Variants in F2R observed in about 807,000 individuals in gnomAD.
F2R encodes coagulation factor II thrombin receptor, also known as proteinase-activated receptor 1.
A neutral mutation model predicts 18.3 loss-of-function variants in F2R; 12 were observed. The ratio of observed to expected loss-of-function variants is 0.66; its 90% CI spans 0.42 to 1.06. The LOEUF (loss-of-function observed/expected upper bound fraction) is 1.06, where lower values mean the gene tolerates loss of function less well. F2R is among the 50% of genes least tolerant of loss of function. The probability of loss-of-function intolerance (pLI) is 0.00; values close to 1 mark genes in which losing one functional copy is unlikely to be tolerated. For synonymous variants in F2R, 210 were observed against 219.9 expected, an observed-to-expected ratio of 0.95 and a Z score of 0.40; for missense variants, 438 against 530.8, an observed-to-expected ratio of 0.83 and a Z score of 1.72.
chr5:76,719,037 A>G (rs1748395632), intron 1 of F2R, among the ~76,000 whole-genome samples: 1 of 151,978 alleles, frequency 6.6e-6, no homozygotes, highest in South Asian at 2.1e-4. Flanking sequence ...CCCTTCAAGG[A>G]GCTATGCTTT....
chr5:76,722,806 C>T (rs543393972), intron 1 of F2R, among the ~76,000 whole-genome samples: 1 of 152,144 alleles, frequency 6.6e-6, no homozygotes, highest in Non-Finnish European at 1.5e-5. Flanking sequence ...CAAAAATTAG[C>T]CGGGCATGGT....
Position 76,733,367 on chromosome 5 carries a change from A to G in F2R, c.1142A>G (p.Tyr381Cys), listed in dbSNP as rs146829790. 1.7e-3 allele frequency: 2,711 copies of G among 1,614,188 alleles called. 5 individuals are homozygous for G. The highest frequency in any genetic ancestry group is 1.5e-3 in the Non-Finnish European group (1,719 of 1,180,026). ...TACGCTTCCTCTGAGTGCCAGAGGT[A>G]CGTCTACAGTATCTTATGCTGCAAA... ...YYYASSECQR[Y>C]VYSILCCKES... The change falls in exon 2 of 2, where the codon TAC becomes TGC. Residue 381 changes from tyrosine to cysteine, a missense_variant. Coordinates refer to ENST00000319211, the MANE Select transcript of F2R (RefSeq NM_001992.5).
At chr5:76,727,815 T>C (rs1246414295) in intron 1 of F2R, among the ~76,000 whole-genome samples, 1 of 151,296 alleles carries the variant, frequency 6.6e-6, no homozygotes, top group Non-Finnish European at 1.5e-5. Flanking sequence ...AATCCTTATC[T>C]GCTAATTCCA....
rs1355823262 is a variant in F2R, at chr5:76,733,464, T to C, written c.1239T>C (p.Ser413=). The part of the protein sequence containing the change: ...LMASKMDTCS[S]NLNNSIYKKL... Reference sequence around the variant, plus strand: ...CAAGTAAAATGGATACCTGCTCTAGTAACCTGAATAACAGCATATACAAAA... The same window carrying C: ...CAAGTAAAATGGATACCTGCTCTAGCAACCTGAATAACAGCATATACAAAA... Residue 413 remains serine, a synonymous_variant, in exon 2 of 2, where the codon AGT becomes AGC. Coordinates refer to ENST00000319211, the MANE Select transcript of F2R (RefSeq NM_001992.5). 6 of 1,613,790 alleles carry C rather than the reference T, an allele frequency of 3.7e-6. No homozygotes were observed. Among genetic ancestry groups the C allele is most frequent in the African/African-American group, 1.3e-5 (1 of 74,924 alleles).
At chr5:76,729,327 T>G (rs1049738403) in intron 1 of F2R, among the ~76,000 whole-genome samples, 2 of 152,236 alleles carry the variant, frequency 1.3e-5, no homozygotes, top group Non-Finnish European at 2.9e-5. Context: ...TCTATTCAGA[T>G]CCTTTGTCCA....
chr5:76,726,038 T>C (rs1748547313), intron 1 of F2R, among the ~76,000 whole-genome samples: 2 of 152,172 alleles, frequency 1.3e-5, no homozygotes, highest in African/African-American at 4.8e-5. Flanking sequence ...CCTCTGTGCA[T>C]CACAAAAGCC....
Position 76,734,890 on chromosome 5 carries a change from T to C in F2R, c.*1387T>C, listed in dbSNP as rs1361524223. 2.0e-5 allele frequency: 3 copies of C among 152,382 alleles called. No individual in the cohort carries two copies. Among genetic ancestry groups the C allele is most frequent in the African/African-American group, 7.2e-5 (3 of 41,466 alleles). 9.4% of individuals were successfully genotyped at this position (152,382 alleles called of 1,614,324 possible). A position where few individuals can be genotyped will look rare whatever the true frequency, so the allele number is the denominator to read the frequency against. On this transcript the variant is annotated 3_prime_UTR_variant, in exon 2 of 2. Transcript: ENST00000319211. ...ATTTATTTACAAATGTTTTGCTCAA[T>C]AGATTGCTCAAATCAGGTTTTCTTT... is the stretch of plus-strand genomic sequence containing the variant.
At chr5:76,727,520 T>G (rs1237961407) in intron 1 of F2R, among the ~76,000 whole-genome samples, 1 of 152,202 alleles carries the variant, frequency 6.6e-6, no homozygotes, top group Non-Finnish European at 1.5e-5. Context: ...GTGACAGATC[T>G]CCTGCCAGGC....
chr5:76,732,525 G>C lies in F2R; in HGVS notation c.300G>C (p.Trp100Cys). Residue 100 changes from tryptophan (W) to cysteine (C), a missense_variant, in exon 2 of 2, where the codon TGG becomes TGC. Trp to Cys is a radical substitution (Grantham distance 215). Transcript: ENST00000319211. Reference protein sequence around the residue: ...EDASGYLTSSWLTLFVPSVYT... With the variant: ...EDASGYLTSSCLTLFVPSVYT... ...CCTCCGGATATTTGACCAGCTCCTG[G>C]CTGACACTCTTTGTCCCATCTGTGT... 1 of 1,614,150 alleles carries C rather than the reference G, an allele frequency of 6.2e-7. No homozygotes were observed. The highest frequency in any genetic ancestry group is 8.5e-7 in the Non-Finnish European group (1 of 1,180,028).
At position 76,721,051 on chromosome 5, in the gene F2R, C is replaced by T. The variant is rs538415410; in HGVS notation, c.88+4656C>T. Among the ~76,000 whole-genome samples, 68 of 152,356 alleles carry T rather than the reference C, an allele frequency of 4.5e-4. 1 individual carries two copies. The South Asian group carries it at 0.013, about 30-fold the overall frequency. On this transcript the variant is annotated intron_variant, in intron 1 of 1. Coordinates refer to ENST00000319211, the MANE Select transcript of F2R (RefSeq NM_001992.5). ...CAAACTCCTGGGATCAAGCGATCCA[C>T]CTACCTTGGCCTCCCAAAGTGCTGG...
rs1228157903 is a variant in F2R at position 76,734,753 on chromosome 5, A to G, written c.*1250A>G. The G allele has an allele frequency of 6.6e-6, 1 of 152,400 alleles. No homozygotes were observed. The highest frequency in any genetic ancestry group is 1.5e-5 in the Non-Finnish European group (1 of 68,036). The allele number at this position is 152,400 out of a possible 1,614,324, so 9.4% of individuals were successfully genotyped here. ...ATGTTTCACACAAACAAGGCCTGTC[A>G]GCTAAAGAAGTTTGAACATTTGGGT... On this transcript the variant is annotated 3_prime_UTR_variant, in exon 2 of 2. Transcript: ENST00000319211.
chr5:76,722,777 C>G (rs1482398198), intron 1 of F2R, among the ~76,000 whole-genome samples: 1 of 151,976 alleles, frequency 6.6e-6, no homozygotes, highest in East Asian at 1.9e-4. Context: ...ATGGTGAAAC[C>G]CTGTCTCTAC....
intron 1 of F2R, 29 bp downstream of exon 1, chr5:76,716,424 G>T: frequency 7.1e-7 from 1 of 1,407,468 alleles, no homozygotes; most frequent in South Asian, 1.5e-5. Flanking sequence ...TGGGGTGCGC[G>T]GGCGGAGGGA....
chr5:76,719,641 G>A (rs1349800056), intron 1 of F2R, among the ~76,000 whole-genome samples: 1 of 151,728 alleles, frequency 6.6e-6, no homozygotes, highest in African/African-American at 2.4e-5. Context: ...TCTCTCCGAA[G>A]TGCAGGCTTT....
At position 76,716,277 on chromosome 5, in the gene F2R, C is replaced by G; in HGVS notation, c.-31C>G. 2 of 1,345,204 alleles carry G rather than the reference C, an allele frequency of 1.5e-6. No homozygotes were observed. Among genetic ancestry groups the G allele is most frequent in the Non-Finnish European group, 1.9e-6 (2 of 1,054,430 alleles). The allele number at this position is 1,345,204 out of a possible 1,614,324, so 83.3% of individuals were successfully genotyped here. A position where few individuals can be genotyped will look rare whatever the true frequency, so the allele number is the denominator to read the frequency against. On this transcript the variant is annotated 5_prime_UTR_variant, in exon 1 of 2. Transcript: ENST00000319211. ...GGAGCAGCCCGAGGCGGGGCAGCCT[C>G]CCGGAGCAGCGCCGCGCAGAGCCCG... is the stretch of plus-strand genomic sequence containing the variant.
At chr5:76,731,982 G>A (rs1017785316) in intron 1 of F2R, among the ~76,000 whole-genome samples, 2 of 152,206 alleles carry the variant, frequency 1.3e-5, no homozygotes, top group Admixed American at 6.5e-5. Context: ...ATAGACAGTG[G>A]CTAGCGTGGA....
chr5:76,716,827 A>G (rs1748355385), intron 1 of F2R: 1 of 524,064 alleles, frequency 1.9e-6, no homozygotes. Flanking sequence ...CTTTGTTGGA[A>G]GTTTTTTTCT....
intron 1 of F2R, 79 bp downstream of exon 1, chr5:76,716,474 C>T: frequency 8.4e-7 from 1 of 1,190,510 alleles, no homozygotes; most frequent in Admixed American, 3.3e-5. Flanking sequence ...TGCGCCTTCT[C>T]CTCACCCCTG....
Position 76,733,101 on chromosome 5 carries a change from T to G in F2R, c.876T>G (p.Ser292=). Residue 292 remains serine (S), a synonymous_variant, in exon 2 of 2, where the codon TCT becomes TCG. Transcript: ENST00000319211. ...PLIISTVCYV[S]IIRCLSSSAV... ...TCATTTCCACGGTCTGTTATGTGTC[T>G]ATCATTCGATGTCTTAGCTCTTCCG... 6.2e-7 allele frequency: 1 copy of G among 1,614,238 alleles called. No homozygotes were observed. The highest frequency in any genetic ancestry group is 8.5e-7 in the Non-Finnish European group (1 of 1,180,040).
Sources: gnomAD v4.1 joint callset for allele counts (sites outside exome capture counted in the v4.1 genomes callset) on GRCh38, gnomAD v4.1.1 for gene constraint, MANE v1.5 for transcripts, NCBI Gene and HGNC (gene_info 2026-07-23, HGNC 2026-07-21) for gene names.